Variants in KCTD8 observed in about 807,000 individuals in gnomAD.
KCTD8 encodes BTB/POZ domain-containing protein KCTD8.
A neutral mutation model predicts 31.5 loss-of-function variants in KCTD8; 27 were observed. The observed-to-expected ratio is 0.86, with a 90% confidence interval of 0.63 to 1.18. KCTD8 has a LOEUF of 1.18. KCTD8 is among the 50% of genes most tolerant of loss of function. KCTD8 has a pLI of 0.00. For synonymous variants in KCTD8, 290 were observed against 280.0 expected (o/e 1.04, Z -0.36); for missense variants, 658 against 647.7 (o/e 1.02, Z -0.17).
chr4:44,378,271 G>A (rs922576593), intron 1 of KCTD8, among the ~76,000 whole-genome samples: 1 of 144,000 alleles, frequency 6.9e-6, no homozygotes, highest in Non-Finnish European at 1.5e-5. Context: ...CCATGTATGT[G>A]TATTAGGCAG....
intron 1 of KCTD8, among the ~76,000 whole-genome samples, chr4:44,418,950 G>A (rs573709420): frequency 6.6e-6 from 1 of 152,152 alleles, no homozygotes; most frequent in East Asian, 1.9e-4. Flanking sequence ...ACCCAACCGT[G>A]GCTGTGCTTA....
At chr4:44,307,173 C>A (rs1717828735) in intron 1 of KCTD8, among the ~76,000 whole-genome samples, 1 of 151,884 alleles carries the variant, frequency 6.6e-6, no homozygotes, top group South Asian at 2.1e-4. Flanking sequence ...TGCACCATAT[C>A]CTAAAGAATG....
intron 1 of KCTD8, among the ~76,000 whole-genome samples, chr4:44,354,401 C>A (rs1719292315): frequency 6.6e-6 from 1 of 152,116 alleles, no homozygotes; most frequent in Non-Finnish European, 1.5e-5. Context: ...CACAAAGTCT[C>A]AGCTCTAAAC....
At chr4:44,187,990 C>CAT (rs551883465) in intron 1 of KCTD8, among the ~76,000 whole-genome samples, 8,070 of 142,064 alleles carry the variant, frequency 0.057, 293 homozygotes, top group Non-Finnish European at 0.076. Flanking sequence ...CACACACACA[C>CAT]ATATATATAT....
chr4:44,216,780 G>C (rs1344467653), intron 1 of KCTD8, among the ~76,000 whole-genome samples: 1 of 152,176 alleles, frequency 6.6e-6, no homozygotes, highest in Non-Finnish European at 1.5e-5. Flanking sequence ...ACTTCAGTCT[G>C]TTCTGGCTGT....
chr4:44,356,488 TCA>T, intron 1 of KCTD8, among the ~76,000 whole-genome samples: 6 of 152,182 alleles, frequency 3.9e-5, no homozygotes, highest in African/African-American at 1.2e-4. Context: ...TAGTTTCTTT[TCA>T]TGAGCCGGAG....
chr4:44,339,982 C>T (rs1229078119), intron 1 of KCTD8, among the ~76,000 whole-genome samples: 2 of 152,012 alleles, frequency 1.3e-5, no homozygotes, highest in East Asian at 3.9e-4. Flanking sequence ...TTTGACCAGA[C>T]AGATCAAAAA....
chr4:44,291,222 A>T (rs1717262891), intron 1 of KCTD8, among the ~76,000 whole-genome samples: 1 of 152,166 alleles, frequency 6.6e-6, no homozygotes, highest in South Asian at 2.1e-4. Flanking sequence ...AAATAGATAC[A>T]TTCCTGGAAA....
At chr4:44,272,666 G>T (rs1395076983) in intron 1 of KCTD8, among the ~76,000 whole-genome samples, 1 of 152,010 alleles carries the variant, frequency 6.6e-6, no homozygotes, top group South Asian at 2.1e-4. Flanking sequence ...TTATTGAATT[G>T]TGCATTTTGA....
intron 1 of KCTD8, among the ~76,000 whole-genome samples, chr4:44,260,350 C>T (rs1197447037): frequency 5.9e-5 from 9 of 151,598 alleles, no homozygotes; most frequent in East Asian, 1.9e-4. Flanking sequence ...GATTGAGCAA[C>T]GAGCAAAACA....
At chr4:44,406,894 C>T (rs772981405) in intron 1 of KCTD8, among the ~76,000 whole-genome samples, 4 of 152,090 alleles carry the variant, frequency 2.6e-5, no homozygotes, top group Non-Finnish European at 5.9e-5. Context: ...AACTTCAAAT[C>T]GGATATGTAC....
chr4:44,304,912 G>C (rs533917502), intron 1 of KCTD8, among the ~76,000 whole-genome samples: 3 of 151,772 alleles, frequency 2.0e-5, no homozygotes, highest in African/African-American at 7.3e-5. Context: ...GATCACTTGA[G>C]CCCAGGAGTT....
chr4:44,366,636 C>CA (rs1165694248), intron 1 of KCTD8, among the ~76,000 whole-genome samples: 1 of 151,780 alleles, frequency 6.6e-6, no homozygotes, highest in African/African-American at 2.4e-5. Flanking sequence ...GAGATGTAGC[C>CA]ATGCGGATTA....
intron 1 of KCTD8, among the ~76,000 whole-genome samples, chr4:44,252,211 TG>T (rs1715859062): frequency 6.6e-6 from 1 of 151,812 alleles, no homozygotes; most frequent in Non-Finnish European, 1.5e-5. Flanking sequence ...TATGGCTGAG[TG>T]GTATTCCATT....
chr4:44,205,714 T>C (rs982457643), intron 1 of KCTD8, among the ~76,000 whole-genome samples: 1 of 152,204 alleles, frequency 6.6e-6, no homozygotes, highest in Non-Finnish European at 1.5e-5. Flanking sequence ...CTAACCCAAC[T>C]GAGACATAAA....
intron 1 of KCTD8, among the ~76,000 whole-genome samples, chr4:44,185,640 T>G (rs1444748240): frequency 2.0e-5 from 3 of 152,222 alleles, no homozygotes; most frequent in Non-Finnish European, 1.5e-5. Flanking sequence ...TGCATTCTTT[T>G]CTTGCCCATG....
chr4:44,178,461 T>A (rs1051592551), intron 1 of KCTD8, among the ~76,000 whole-genome samples: 1 of 152,140 alleles, frequency 6.6e-6, no homozygotes, highest in Non-Finnish European at 1.5e-5. Context: ...CAACATAGTA[T>A]ATAAATAAAT....
chr4:44,315,986 C>A (rs994754775), intron 1 of KCTD8, among the ~76,000 whole-genome samples: 9 of 152,262 alleles, frequency 5.9e-5, no homozygotes, highest in African/African-American at 1.4e-4. Context: ...AGGTTTTCTA[C>A]CCATGTATAC....
intron 1 of KCTD8, among the ~76,000 whole-genome samples, chr4:44,262,725 T>G (rs537392167): frequency 2.0e-5 from 3 of 152,090 alleles, no homozygotes; most frequent in Non-Finnish European, 4.4e-5. Context: ...TGTTTCTCCC[T>G]CATTGGGTTT....
Sources: allele counts gnomAD v4.1 joint callset (sites outside exome capture counted in the v4.1 genomes callset), GRCh38; gene constraint gnomAD v4.1.1; transcripts MANE v1.5; gene names NCBI Gene and HGNC (gene_info 2026-07-23, HGNC 2026-07-21).